MGST2: variants seen among roughly 807,000 people sequenced by gnomAD.
MGST2 encodes the protein glutathione peroxidase MGST2.
MGST2 carries 9 observed loss-of-function variants against 16.6 expected under a neutral mutation model. The observed-to-expected ratio is 0.54, with a 90% confidence interval of 0.33 to 0.95. The LOEUF (loss-of-function observed/expected upper bound fraction) is 0.95, where lower values mean the gene tolerates loss of function less well. Ranked by LOEUF, MGST2 falls within the 40% of genes least tolerant of loss-of-function variation. The probability of loss-of-function intolerance (pLI) is 0.03; values close to 1 mark genes in which losing one functional copy is unlikely to be tolerated. For synonymous variants in MGST2, 79 were observed against 68.0 expected (o/e 1.16, Z -0.79); for missense variants, 159 against 175.1 (o/e 0.91, Z 0.52).
chr4:139,730,308 G>C, intron 5 of MGST2: 1 of 954,662 alleles, frequency 1.0e-6, no homozygotes, highest in South Asian at 1.5e-5. Context: ...GCTAGACCGT[G>C]AGCATCTTGA....
intron 2 of MGST2, among the ~76,000 whole-genome samples, chr4:139,691,690 TG>T (rs1560747892): frequency 6.1e-5 from 9 of 148,642 alleles, no homozygotes; most frequent in South Asian, 4.3e-4. Flanking sequence ...ATGATGATGA[TG>T]ATGATGATTA....
At chr4:139,726,195 T>C (rs1226722754) in intron 5 of MGST2, among the ~76,000 whole-genome samples, 1 of 152,252 alleles carries the variant, frequency 6.6e-6, no homozygotes, top group African/African-American at 2.4e-5. Flanking sequence ...CACATGATGC[T>C]GCTTTTGTGT....
chr4:139,743,980 G>A (rs1231668225), downstream of MGST2, among the ~76,000 whole-genome samples: 1 of 152,170 alleles, frequency 6.6e-6, no homozygotes. Flanking sequence ...GTCCTGCCAT[G>A]GTCATTGTCA....
At chr4:139,706,230 G>T (rs1326990230), downstream of MGST2, among the ~76,000 whole-genome samples, 1 of 152,098 alleles carries the variant, frequency 6.6e-6, no homozygotes, top group Non-Finnish European at 1.5e-5. Context: ...TTGCATACTA[G>T]CTCAGGTTCC....
intron 2 of MGST2, among the ~76,000 whole-genome samples, chr4:139,683,525 G>A (rs554554785): frequency 9.2e-5 from 14 of 152,180 alleles, no homozygotes; most frequent in South Asian, 2.1e-4. Context: ...GTTTATGATT[G>A]CATCATAAAC....
At chr4:139,738,244 C>T (rs564397064) in intron 5 of MGST2, among the ~76,000 whole-genome samples, 1 of 152,306 alleles carries the variant, frequency 6.6e-6, no homozygotes, top group South Asian at 2.1e-4. Flanking sequence ...TAAAGGGGAA[C>T]AAGACTTGTC....
downstream of MGST2, among the ~76,000 whole-genome samples, chr4:139,743,208 T>C (rs986012646): frequency 1.3e-5 from 2 of 152,210 alleles, no homozygotes; most frequent in Non-Finnish European, 2.9e-5. Context: ...GCTGCAACCA[T>C]TACCACTTCT....
intron 3 of MGST2, among the ~76,000 whole-genome samples, chr4:139,702,509 G>A (rs1239790867): frequency 6.6e-6 from 1 of 152,022 alleles, no homozygotes; most frequent in Non-Finnish European, 1.5e-5. Flanking sequence ...ATTGCAAAAT[G>A]TTGTGTTGCA....
At chr4:139,730,277 T>A in intron 5 of MGST2, 1 of 747,420 alleles carries the variant, frequency 1.3e-6, no homozygotes, top group Non-Finnish European at 2.2e-6. Flanking sequence ...TTCTTCAGGT[T>A]CTCTTGTGAT....
chr4:139,741,837 G>A (rs549546759), downstream of MGST2, among the ~76,000 whole-genome samples: 4 of 152,160 alleles, frequency 2.6e-5, no homozygotes, highest in Admixed American at 6.5e-5. Context: ...TCTTGTGCAC[G>A]GTATAATTGC....
chr4:139,683,760 T>C (rs1177234003), intron 2 of MGST2, among the ~76,000 whole-genome samples: 1 of 152,018 alleles, frequency 6.6e-6, no homozygotes, highest in Non-Finnish European at 1.5e-5. Flanking sequence ...CTGAGCAATT[T>C]ACAAAACAAA....
intron 5 of MGST2, among the ~76,000 whole-genome samples, chr4:139,734,606 C>A (rs4580611): frequency 1.3e-5 from 2 of 152,022 alleles, no homozygotes; most frequent in Non-Finnish European, 2.9e-5. Context: ...TTTCTAAAGG[C>A]TAGAGTGAGG....
rs556181488 is a variant in MGST2, at chr4:139,709,853, G to C, written c.*48+5657G>C. Among the ~76,000 whole-genome samples the C allele has an allele frequency of 2.6e-3, 394 of 152,344 alleles. 1 individual carries two copies. The highest frequency in any genetic ancestry group is 4.2e-3 in the Admixed American group (64 of 15,300). On this transcript the variant is annotated intron_variant, in intron 5 of 5. Transcript: ENST00000616265. ...TGGCACAGATGCCTGGGCCCCACAT[G>C]TGTGAGAGCTGCAGTAATTACCTCC...
Position 139,721,768 on chromosome 4 carries a change from A to AT in MGST2, c.*48+17579dup, listed in dbSNP as rs1407935962. Reference sequence around the variant, plus strand: ...GAAATCCCTAGAAATGTTTTCATATATTTTTTTAAGCTTCATTATATCTAA... The same window carrying AT: ...GAAATCCCTAGAAATGTTTTCATATATTTTTTTTAAGCTTCATTATATCTAA... On this transcript the variant is annotated intron_variant, in intron 5 of 5. Coordinates refer to the MGST2 transcript ENST00000616265. Among the ~76,000 whole-genome samples the AT allele has an allele frequency of 2.0e-5, 3 of 152,230 alleles. No individual in the cohort carries two copies. The East Asian group carries it at 5.8e-4, about 30-fold the overall frequency.
intron 3 of MGST2, among the ~76,000 whole-genome samples, chr4:139,700,775 A>T (rs1442523913): frequency 6.6e-6 from 1 of 152,206 alleles, no homozygotes. Flanking sequence ...GGCTTTCTCC[A>T]AACTTGGCTT....
At chr4:139,683,835 G>A (rs576499967) in intron 2 of MGST2, among the ~76,000 whole-genome samples, 36 of 151,664 alleles carry the variant, frequency 2.4e-4, no homozygotes, top group African/African-American at 8.5e-4. Flanking sequence ...AGAAAGGCAA[G>A]TCACATTTTA....
intron 5 of MGST2, among the ~76,000 whole-genome samples, chr4:139,712,260 C>T (rs1427163902): frequency 6.6e-6 from 1 of 152,166 alleles, no homozygotes; most frequent in African/African-American, 2.4e-5. Flanking sequence ...ATTACCCATC[C>T]CTCTTGTTTC....
At chr4:139,736,127 C>T (rs1015793308) in intron 5 of MGST2, among the ~76,000 whole-genome samples, 1 of 152,032 alleles carries the variant, frequency 6.6e-6, no homozygotes, top group Non-Finnish European at 1.5e-5. Flanking sequence ...CACACACACT[C>T]ACTCACTCAC....
chr4:139,682,113 T>C (rs1163296336), intron 2 of MGST2, among the ~76,000 whole-genome samples: 1 of 151,968 alleles, frequency 6.6e-6, no homozygotes, highest in African/African-American at 2.4e-5. Flanking sequence ...GGAGGATTGG[T>C]TGAGCCCAGG....
Sources: gnomAD v4.1 joint callset for allele counts (sites outside exome capture counted in the v4.1 genomes callset) on GRCh38, gnomAD v4.1.1 for gene constraint, MANE v1.5 for transcripts, NCBI Gene and HGNC (gene_info 2026-07-23, HGNC 2026-07-21) for gene names.